Variants in MAN1A2 observed in about 807,000 individuals in gnomAD.
MAN1A2 encodes the protein mannosyl-oligosaccharide 1,2-alpha-mannosidase IB.
MAN1A2 carries 26 observed loss-of-function variants against 75.7 expected under a neutral mutation model. That is an observed-to-expected ratio of 0.34 (90% CI 0.25 to 0.48). The LOEUF is 0.48. Among genes scored for constraint, MAN1A2 ranks in the 20% least tolerant of loss-of-function variants. The probability of loss-of-function intolerance (pLI) is 0.99; values close to 1 mark genes in which losing one functional copy is unlikely to be tolerated. For synonymous variants in MAN1A2, 247 were observed against 264.6 expected (o/e 0.93, Z 0.65); for missense variants, 562 against 775.5 (o/e 0.72, Z 3.27).
intron 5 of MAN1A2, among the ~76,000 whole-genome samples, chr1:117,438,806 A>G (rs1236265415): frequency 6.6e-6 from 1 of 152,182 alleles, no homozygotes; most frequent in African/African-American, 2.4e-5. Flanking sequence ...GGTAGGCCTT[A>G]CCATCTAGGT....
At chr1:117,509,977 A>G (rs970345420) in intron 12 of MAN1A2, among the ~76,000 whole-genome samples, 38 of 151,814 alleles carry the variant, frequency 2.5e-4, no homozygotes, top group African/African-American at 8.0e-4. Flanking sequence ...TTTTCTCCAT[A>G]TATAAGATTA....
At chr1:117,501,359 A>G (rs913133608) in intron 11 of MAN1A2, among the ~76,000 whole-genome samples, 3 of 151,836 alleles carry the variant, frequency 2.0e-5, no homozygotes, top group East Asian at 3.9e-4. Flanking sequence ...GCGGTGTCAT[A>G]TCTTAAATAG....
intron 12 of MAN1A2, among the ~76,000 whole-genome samples, chr1:117,507,342 G>A (rs1651405377): frequency 6.6e-6 from 1 of 151,658 alleles, no homozygotes; most frequent in African/African-American, 2.4e-5. Flanking sequence ...AAGCATTGGA[G>A]CAGTTGATTC....
chr1:117,458,627 G>A (rs998484846), intron 6 of MAN1A2, among the ~76,000 whole-genome samples: 7 of 150,050 alleles, frequency 4.7e-5, no homozygotes, highest in Non-Finnish European at 7.4e-5. Flanking sequence ...GGGTTTAAGC[G>A]ATTCTCCTGC....
chr1:117,478,936 A>G (rs1462649419), intron 8 of MAN1A2, among the ~76,000 whole-genome samples: 1 of 149,740 alleles, frequency 6.7e-6, no homozygotes, highest in Non-Finnish European at 1.5e-5. Context: ...TTCAACTTTT[A>G]TTTTAAATTC....
chr1:117,524,050 G>A lies in MAN1A2; in HGVS notation c.*1093G>A, dbSNP rs1159373356. ...ATATTCTATCTGGAATAGGGACAGG[G>A]GATCTTTTATTTATAATCTCATCAG... On this transcript the variant is annotated 3_prime_UTR_variant, in exon 13 of 13. Transcript: ENST00000356554. 6.6e-6 allele frequency: 1 copy of A among 151,808 alleles called. No individual in the cohort carries two copies. Among genetic ancestry groups the A allele is most frequent in the Non-Finnish European group, 1.5e-5 (1 of 67,736 alleles). 9.4% of individuals were successfully genotyped at this position (151,808 alleles called of 1,614,324 possible).
At chr1:117,425,579 C>T (rs370479595) in intron 5 of MAN1A2, among the ~76,000 whole-genome samples, 1 of 152,268 alleles carries the variant, frequency 6.6e-6, no homozygotes, top group South Asian at 2.1e-4. Flanking sequence ...TTCACTATGT[C>T]AACAGACTAA....
At chr1:117,513,132 A>G (rs1651598215) in intron 12 of MAN1A2, among the ~76,000 whole-genome samples, 2 of 152,084 alleles carry the variant, frequency 1.3e-5, no homozygotes, top group African/African-American at 4.8e-5. Flanking sequence ...CCAAACTCTA[A>G]TCTGCTTTCT....
chr1:117,397,652 T>C (rs921781900), intron 1 of MAN1A2, among the ~76,000 whole-genome samples: 1 of 147,236 alleles, frequency 6.8e-6, no homozygotes. Context: ...CCCCTTTTTT[T>C]TTTTTTTTTT....
chr1:117,473,722 G>GT (rs1650231214), intron 8 of MAN1A2, among the ~76,000 whole-genome samples: 1 of 151,742 alleles, frequency 6.6e-6, no homozygotes, highest in Admixed American at 6.6e-5. Flanking sequence ...CTTTCTTCAG[G>GT]TTTTTTTACT....
At chr1:117,370,005 TTAAAA>T (rs1652905273) in intron 1 of MAN1A2, among the ~76,000 whole-genome samples, 1 of 152,168 alleles carries the variant, frequency 6.6e-6, no homozygotes, top group South Asian at 2.1e-4. Flanking sequence ...GTCTAAAAGT[TTAAAA>T]TAATATGACC....
chr1:117,371,091 G>C (rs967545371), intron 1 of MAN1A2, among the ~76,000 whole-genome samples: 2 of 152,084 alleles, frequency 1.3e-5, no homozygotes, highest in African/African-American at 4.8e-5. Context: ...ACTCAACATA[G>C]TTCCTGGCAT....
Position 117,420,554 on chromosome 1 carries a change from A to G in MAN1A2, c.775-15A>G, listed in dbSNP as rs1204910712. On this transcript the variant is annotated splice_polypyrimidine_tract_variant and intron_variant, in intron 4 of 12. Coordinates refer to ENST00000356554, the MANE Select transcript of MAN1A2 (RefSeq NM_006699.5). ...CATTACGTATTTGTGAATGTTTTCA[A>G]TATGTTTTTCACAGAATTCAGAGGT... 1.3e-6 allele frequency: 2 copies of G among 1,581,246 alleles called. No individual in the cohort carries two copies. Among genetic ancestry groups the G allele is most frequent in the Non-Finnish European group, 1.7e-6 (2 of 1,150,960 alleles).
intron 8 of MAN1A2, among the ~76,000 whole-genome samples, chr1:117,484,349 A>G (rs879824652): frequency 1.1e-4 from 16 of 151,948 alleles, no homozygotes; most frequent in Admixed American, 7.9e-4. Flanking sequence ...GCAAACCTCA[A>G]TCTACAGTAC....
chr1:117,497,100 C>T (rs7553018), intron 10 of MAN1A2, 118 bp downstream of exon 10: 189,663 of 646,574 alleles, frequency 0.29, 29,742 homozygotes, highest in East Asian at 0.46. Context: ...TTTACACCAA[C>T]AAGGCAAATC....
At chr1:117,507,065 T>C (rs894903420) in intron 12 of MAN1A2, among the ~76,000 whole-genome samples, 1 of 151,638 alleles carries the variant, frequency 6.6e-6, no homozygotes, top group African/African-American at 2.4e-5. Flanking sequence ...TGTTATACTT[T>C]GACTTTTAAA....
chr1:117,491,403 G>A (rs1650879680), intron 8 of MAN1A2, among the ~76,000 whole-genome samples: 1 of 152,076 alleles, frequency 6.6e-6, no homozygotes, highest in Non-Finnish European at 1.5e-5. Flanking sequence ...TCAGTTGAGA[G>A]CACATCTGTT....
At chr1:117,383,924 A>C (rs1214300779) in intron 1 of MAN1A2, among the ~76,000 whole-genome samples, 1 of 152,060 alleles carries the variant, frequency 6.6e-6, no homozygotes, top group Admixed American at 6.6e-5. Context: ...AAACCAGGCC[A>C]TAAGATTCTC....
At chr1:117,378,016 A>G (rs1282249118) in intron 1 of MAN1A2, among the ~76,000 whole-genome samples, 3 of 152,082 alleles carry the variant, frequency 2.0e-5, no homozygotes, top group Admixed American at 1.3e-4. Flanking sequence ...GTAGGAGAAT[A>G]GTGTGAACCT....
Sources: gnomAD v4.1 joint callset for allele counts (sites outside exome capture counted in the v4.1 genomes callset) on GRCh38, gnomAD v4.1.1 for gene constraint, MANE v1.5 for transcripts, NCBI Gene and HGNC (gene_info 2026-07-23, HGNC 2026-07-21) for gene names.